MCC: variants seen among roughly 807,000 people sequenced by gnomAD.
MCC encodes the protein MCC regulator of Wnt signaling pathway, also known as colorectal mutant cancer protein.
A neutral mutation model predicts 116.2 loss-of-function variants in MCC; 90 were observed. The observed-to-expected ratio is 0.77, with a 90% confidence interval of 0.65 to 0.92. The LOEUF (loss-of-function observed/expected upper bound fraction) is 0.92, where lower values mean the gene tolerates loss of function less well. Among genes scored for constraint, MCC ranks in the 40% least tolerant of loss-of-function variants. The pLI is 0.00. For synonymous variants in MCC, 578 were observed against 510.5 expected, an observed-to-expected ratio of 1.13 and a Z score of -1.78; for missense variants, 1,516 against 1,312.2, an observed-to-expected ratio of 1.16 and a Z score of -2.40.
rs564735649 is a variant in MCC, at chr5:113,095,535, T to G, written c.1398+6204A>C. Among the ~76,000 whole-genome samples, 20 of 152,332 alleles carry G rather than the reference T, an allele frequency of 1.3e-4. No homozygotes were observed. The South Asian group carries it at 4.1e-3, about 32-fold the overall frequency. ...TTAGGTTTTCAAAATTATTTATTTT[T>G]AGAGACAGGGCCTTGCTATTATTAC... On this transcript the variant is annotated intron_variant, in intron 8 of 18. Transcript: ENST00000408903.
chr5:113,397,414 G>C (rs1037012371), intron 1 of MCC, among the ~76,000 whole-genome samples: 14 of 151,714 alleles, frequency 9.2e-5, no homozygotes, highest in Non-Finnish European at 1.3e-4. Context: ...CTGAAAAAAC[G>C]CTTTTGGTTG....
rs1412752777 is a variant in MCC at position 113,340,671 on chromosome 5, T to C, written c.475A>G (p.Ser159Gly). Residue 159 changes from serine to glycine, a missense_variant, in exon 3 of 19, where the codon AGC becomes GGC. Transcript: ENST00000408903. ...EYDSGARDLQ[S>G]PDVQSQSALQ... ...GCTGACTGGCTCTGCACATCCGGGCTCTGGAGGTCCCTGGCACCAGAGTCG... is the reference window on the plus strand; with the variant it reads ...GCTGACTGGCTCTGCACATCCGGGCCCTGGAGGTCCCTGGCACCAGAGTCG... 11 of 1,614,060 alleles carry C rather than the reference T, an allele frequency of 6.8e-6. No individual in the cohort carries two copies. Among genetic ancestry groups the C allele is most frequent in the Non-Finnish European group, 8.5e-6 (10 of 1,180,006 alleles).
chr5:113,104,610 G>C (rs78726403), intron 6 of MCC: 2 of 337,792 alleles, frequency 5.9e-6, no homozygotes. Context: ...CACATCTTGA[G>C]TTTCTTTAGT....
chr5:113,337,564 T>C (rs982772067), intron 3 of MCC, among the ~76,000 whole-genome samples: 1 of 152,184 alleles, frequency 6.6e-6, no homozygotes, highest in Non-Finnish European at 1.5e-5. Context: ...TCGTATGTGC[T>C]ATTCCTGTGT....
At chr5:113,226,108 G>T (rs1287753506) in intron 3 of MCC, among the ~76,000 whole-genome samples, 2 of 152,254 alleles carry the variant, frequency 1.3e-5, no homozygotes, top group Non-Finnish European at 2.9e-5. Context: ...CCCGCAAGGC[G>T]AAGGTTGCAG....
chr5:113,215,317 A>G (rs189151968), intron 3 of MCC, among the ~76,000 whole-genome samples: 71 of 152,324 alleles, frequency 4.7e-4, no homozygotes, highest in Admixed American at 3.2e-3. Flanking sequence ...ATGGAACCTT[A>G]AGAGATGTTT....
At chr5:113,253,082 C>T (rs1764862219) in intron 3 of MCC, among the ~76,000 whole-genome samples, 1 of 152,138 alleles carries the variant, frequency 6.6e-6, no homozygotes, top group Non-Finnish European at 1.5e-5. Flanking sequence ...AGAAGCAAGA[C>T]ATCTCCCTAC....
intron 3 of MCC, among the ~76,000 whole-genome samples, chr5:113,235,919 G>A (rs896685950): frequency 3.3e-5 from 5 of 152,202 alleles, no homozygotes; most frequent in African/African-American, 7.2e-5. Context: ...TTTGGTAGCC[G>A]TTAAAATTCG....
At chr5:113,375,789 C>A (rs6887914) in intron 2 of MCC, among the ~76,000 whole-genome samples, 1 of 151,686 alleles carries the variant, frequency 6.6e-6, no homozygotes, top group Non-Finnish European at 1.5e-5. Context: ...GAGGCCTTGG[C>A]TCCAGAACTT....
intron 1 of MCC, among the ~76,000 whole-genome samples, chr5:113,430,905 G>C (rs1006048037): frequency 6.6e-6 from 1 of 152,148 alleles, no homozygotes; most frequent in African/African-American, 2.4e-5. Flanking sequence ...AAATGAGTAT[G>C]AACACTGAGA....
intron 3 of MCC, among the ~76,000 whole-genome samples, chr5:113,263,774 C>T (rs931399440): frequency 2.0e-5 from 3 of 152,056 alleles, no homozygotes; most frequent in Admixed American, 6.6e-5. Context: ...TTTCCTGAAA[C>T]GTTTATGGTG....
At chr5:113,036,946 C>T (rs1426191063) in intron 17 of MCC, among the ~76,000 whole-genome samples, 1 of 152,194 alleles carries the variant, frequency 6.6e-6, no homozygotes, top group African/African-American at 2.4e-5. Flanking sequence ...CCATTAATGT[C>T]CTGCAGACCC....
chr5:113,273,939 T>C (rs980106021), intron 3 of MCC, among the ~76,000 whole-genome samples: 9 of 152,234 alleles, frequency 5.9e-5, no homozygotes, highest in African/African-American at 2.2e-4. Context: ...ATTGCACTCC[T>C]AATTATGGGC....
intron 3 of MCC, among the ~76,000 whole-genome samples, chr5:113,239,988 T>C (rs1396583529): frequency 1.3e-5 from 2 of 152,232 alleles, no homozygotes; most frequent in Non-Finnish European, 2.9e-5. Flanking sequence ...ATATGATTTG[T>C]ATCCTCCAGT....
chr5:113,072,488 T>C (rs62373352), intron 11 of MCC, among the ~76,000 whole-genome samples: 5 of 152,192 alleles, frequency 3.3e-5, no homozygotes, highest in Non-Finnish European at 1.5e-5. Context: ...ACCCAACTCA[T>C]AGACCTCCAT....
At chr5:113,431,079 T>C (rs1161023000) in intron 1 of MCC, among the ~76,000 whole-genome samples, 4 of 150,650 alleles carry the variant, frequency 2.7e-5, no homozygotes, top group Admixed American at 1.3e-4. Context: ...GTCAGAAGAG[T>C]AGGAAGTGAG....
intron 3 of MCC, among the ~76,000 whole-genome samples, chr5:113,340,133 T>C (rs1767974199): frequency 6.6e-6 from 1 of 152,250 alleles, no homozygotes. Flanking sequence ...TTCAATGCAA[T>C]ATTTTCCTTT....
intron 3 of MCC, among the ~76,000 whole-genome samples, chr5:113,273,293 G>A (rs753669564): frequency 5.9e-5 from 9 of 152,164 alleles, no homozygotes; most frequent in Non-Finnish European, 1.2e-4. Flanking sequence ...TATTCTAAAG[G>A]GGGTCAGAGG....
chr5:113,065,048 A>C (rs1194891041), intron 13 of MCC, among the ~76,000 whole-genome samples: 1 of 152,130 alleles, frequency 6.6e-6, no homozygotes, highest in Non-Finnish European at 1.5e-5. Context: ...GGGTTGGGGG[A>C]GGAATGAATA....
Sources: allele counts gnomAD v4.1 joint callset (sites outside exome capture counted in the v4.1 genomes callset), GRCh38; gene constraint gnomAD v4.1.1; transcripts MANE v1.5; gene names NCBI Gene and HGNC (gene_info 2026-07-23, HGNC 2026-07-21).